The following MEIS2 variants were observed in gnomAD, a reference collection of about 807,000 sequenced individuals.
MEIS2 encodes homeobox protein Meis2.
Under a neutral mutation model 58.6 loss-of-function variants are expected in MEIS2, and 9 were observed. The observed-to-expected ratio is 0.15, with a 90% CI of 0.09 to 0.27. MEIS2 has a LOEUF of 0.27. MEIS2 is among the 10% of genes least tolerant of loss of function. The pLI, the probability that MEIS2 is intolerant of heterozygous loss-of-function variation, is 1.00. For synonymous variants in MEIS2, 221 were observed against 228.4 expected (o/e 0.97, Z 0.29); for missense variants, 427 against 635.0 (o/e 0.67, Z 3.52).
intron 8 of MEIS2, among the ~76,000 whole-genome samples, chr15:37,024,117 T>C (rs373860511): frequency 2.1e-3 from 322 of 151,954 alleles, no homozygotes; most frequent in African/African-American, 7.1e-3. Flanking sequence ...AGGTTGGTCT[T>C]GAACTCCTGA....
chr15:37,034,117 A>G (rs1035523990), intron 8 of MEIS2, among the ~76,000 whole-genome samples: 1 of 152,150 alleles, frequency 6.6e-6, no homozygotes, highest in African/African-American at 2.4e-5. Context: ...AGCAAAAGCA[A>G]AGAGAAAGGG....
chr15:37,048,756 G>A (rs1468633130), intron 7 of MEIS2, among the ~76,000 whole-genome samples: 1 of 152,040 alleles, frequency 6.6e-6, no homozygotes, highest in Non-Finnish European at 1.5e-5. Flanking sequence ...AAGATAACTA[G>A]TTAGAGATAT....
intron 7 of MEIS2, 23 bp downstream of exon 7, chr15:37,083,748 G>A (rs778645082): frequency 2.5e-6 from 4 of 1,595,394 alleles, no homozygotes; most frequent in Non-Finnish European, 3.4e-6. Flanking sequence ...TACTTTGCAC[G>A]AGGAAAATGT....
At chr15:36,960,486 T>A (rs1465081558) in intron 8 of MEIS2, among the ~76,000 whole-genome samples, 2 of 152,116 alleles carry the variant, frequency 1.3e-5, no homozygotes, top group African/African-American at 4.8e-5. Flanking sequence ...GGAGAAAGTC[T>A]CAATCAGGAG....
intron 7 of MEIS2, among the ~76,000 whole-genome samples, chr15:37,056,313 T>C (rs1187232989): frequency 6.6e-6 from 1 of 152,146 alleles, no homozygotes; most frequent in African/African-American, 2.4e-5. Context: ...GGTAAATACA[T>C]GGTGTTAAAA....
intron 8 of MEIS2, among the ~76,000 whole-genome samples, chr15:36,971,084 A>T (rs2059538679): frequency 6.8e-6 from 1 of 147,048 alleles, no homozygotes; most frequent in African/African-American, 2.5e-5. Flanking sequence ...TAAAAATAAA[A>T]TTGCTGTGGT....
chr15:37,094,942 T>TTTAAA, intron 4 of MEIS2: 1 of 82,256 alleles, frequency 1.2e-5, no homozygotes, highest in Non-Finnish European at 2.5e-5. Context: ...TTTTTTTCCT[T>TTTAAA]AAAAAAAAAA....
chr15:36,935,803 T>A (rs1047252538), intron 9 of MEIS2, among the ~76,000 whole-genome samples: 59 of 152,174 alleles, frequency 3.9e-4, no homozygotes, highest in Non-Finnish European at 6.8e-4. Context: ...TTTTTTTTTT[T>A]AAATAAAATT....
At chr15:36,915,441 T>C (rs764827357) in intron 9 of MEIS2, among the ~76,000 whole-genome samples, 12 of 152,186 alleles carry the variant, frequency 7.9e-5, no homozygotes, top group Admixed American at 2.0e-4. Context: ...TGCCTTTCAG[T>C]GTTTGGGAAA....
At chr15:37,024,616 G>A (rs1398318238) in intron 8 of MEIS2, among the ~76,000 whole-genome samples, 8 of 152,160 alleles carry the variant, frequency 5.3e-5, no homozygotes, top group African/African-American at 1.9e-4. Context: ...ATCTCTGTAT[G>A]TAGAATCAAA....
chr15:37,041,915 G>A (rs2062438568), intron 7 of MEIS2, among the ~76,000 whole-genome samples: 1 of 152,144 alleles, frequency 6.6e-6, no homozygotes, highest in South Asian at 2.1e-4. Context: ...GGTGGCTCAT[G>A]CCTGTAATCC....
intron 7 of MEIS2, among the ~76,000 whole-genome samples, chr15:37,043,935 C>G (rs2062552973): frequency 6.6e-6 from 1 of 152,086 alleles, no homozygotes; most frequent in Admixed American, 6.6e-5. Flanking sequence ...ATCTGCCCAC[C>G]TCGGCCTCCC....
intron 8 of MEIS2, among the ~76,000 whole-genome samples, chr15:37,007,439 T>C (rs957091048): frequency 6.6e-6 from 1 of 152,182 alleles, no homozygotes; most frequent in Non-Finnish European, 1.5e-5. Flanking sequence ...TAAAGTGGCC[T>C]GTAGCCCTGG....
At chr15:37,037,063 A>G (rs2062187764) in intron 7 of MEIS2, 104 bp from the exon 8 acceptor site, 1 of 1,113,394 alleles carries the variant, frequency 9.0e-7, no homozygotes, top group Non-Finnish European at 1.3e-6. Context: ...GAAATCCATT[A>G]AGCGAGTATA....
chr15:37,071,737 C>T (rs1890734959), intron 7 of MEIS2, among the ~76,000 whole-genome samples: 1 of 151,982 alleles, frequency 6.6e-6, no homozygotes, highest in Non-Finnish European at 1.5e-5. Context: ...TGATAAGTGA[C>T]AGATCTGAGG....
chr15:36,987,337 T>C (rs1469636206), intron 8 of MEIS2, among the ~76,000 whole-genome samples: 2 of 147,792 alleles, frequency 1.4e-5, no homozygotes, highest in Admixed American at 6.9e-5. Flanking sequence ...GAACCTGGTA[T>C]GCAGAGGTTG....
At chr15:36,944,265 T>C (rs1315323651) in intron 9 of MEIS2, among the ~76,000 whole-genome samples, 1 of 152,102 alleles carries the variant, frequency 6.6e-6, no homozygotes, top group Non-Finnish European at 1.5e-5. Context: ...ATGTGTGTTT[T>C]TCTTTTAACA....
chr15:36,907,488 A>T (rs1204825043), intron 9 of MEIS2, among the ~76,000 whole-genome samples: 1 of 152,164 alleles, frequency 6.6e-6, no homozygotes, highest in East Asian at 1.9e-4. Flanking sequence ...TTTTTTCTAA[A>T]GCAGCAGGGG....
chr15:36,954,422 TATA>T (rs2058880192), intron 8 of MEIS2, among the ~76,000 whole-genome samples: 1 of 148,012 alleles, frequency 6.8e-6, no homozygotes, highest in Non-Finnish European at 1.5e-5. Context: ...ATTTTAAAAA[TATA>T]ATATCAATTT....
Sources: allele counts gnomAD v4.1 joint callset (sites outside exome capture counted in the v4.1 genomes callset), GRCh38; gene constraint gnomAD v4.1.1; transcripts MANE v1.5; gene names NCBI Gene and HGNC (gene_info 2026-07-23, HGNC 2026-07-21).